Variants in BDKRB2 observed in about 807,000 individuals in gnomAD.
The protein encoded by BDKRB2 is B2 bradykinin receptor.
BDKRB2 carries 6 observed loss-of-function variants against 4.0 expected under a neutral mutation model. The ratio of observed to expected loss-of-function variants is 1.49; its 90% CI spans 0.81 to 2.93. The LOEUF is 2.93. Ranked by LOEUF, BDKRB2 falls within the 30% of genes most tolerant of loss-of-function variation. BDKRB2 has a pLI of 0.00. For synonymous variants in BDKRB2, 225 were observed against 215.3 expected (o/e 1.05, Z -0.40); for missense variants, 478 against 520.1 (o/e 0.92, Z 0.79).
At position 96,241,528 on chromosome 14, in the gene BDKRB2, G is replaced by A; in HGVS notation, c.*24G>A. ...GAGCAAACGCCAGCAGGGCTGCTGT[G>A]AATTTGTGTAAGGATTGAGGGACAG... On this transcript the variant is annotated 3_prime_UTR_variant, in exon 3 of 3. Coordinates refer to ENST00000554311, the MANE Select transcript of BDKRB2 (RefSeq NM_001379692.1). The A allele has an allele frequency of 6.6e-7, 1 of 1,508,350 alleles. No homozygotes were observed. The highest frequency in any genetic ancestry group is 8.8e-7 in the Non-Finnish European group (1 of 1,136,242). The allele number at this position is 1,508,350 out of a possible 1,614,324, so 93.4% of individuals were successfully genotyped here.
Position 96,231,811 on chromosome 14 carries a change from G to A in BDKRB2, c.-39-5258G>A, listed in dbSNP as rs574795068. 2.0e-5 allele frequency among the ~76,000 whole-genome samples: 3 copies of A among 152,366 alleles called. No homozygotes were observed. The South Asian group carries it at 6.2e-4, about 32-fold the overall frequency. ...CAGGGTCCTCCTCTCCAAGTACAGC[G>A]AATATGGTGGGACAGATGCACATGC... On this transcript the variant is annotated intron_variant, in intron 1 of 2. Coordinates refer to ENST00000554311, the MANE Select transcript of BDKRB2 (RefSeq NM_001379692.1).
chr14:96,213,638 G>A (rs1890354170), intron 1 of BDKRB2, among the ~76,000 whole-genome samples: 1 of 152,166 alleles, frequency 6.6e-6, no homozygotes, highest in East Asian at 1.9e-4. Context: ...TCAAGTTGGA[G>A]GACCTAGACC....
intron 1 of BDKRB2, chr14:96,214,617 G>A (rs1890377818): frequency 6.6e-6 from 1 of 152,468 alleles, no homozygotes; most frequent in African/African-American, 2.4e-5. Context: ...CCAGAGTCGG[G>A]GTGGCCTCAG....
intron 1 of BDKRB2, among the ~76,000 whole-genome samples, chr14:96,226,203 C>T (rs988367078): frequency 6.6e-5 from 10 of 152,160 alleles, no homozygotes; most frequent in African/African-American, 2.4e-4. Context: ...ATGCAAAGGC[C>T]ATTGCTCTTA....
intron 1 of BDKRB2, among the ~76,000 whole-genome samples, chr14:96,207,682 C>T (rs769969402): frequency 3.9e-5 from 6 of 151,934 alleles, no homozygotes; most frequent in South Asian, 2.1e-4. Context: ...ATGTCAGTAA[C>T]GGGGGAGGCT....
chr14:96,206,135 G>A (rs766632131), intron 1 of BDKRB2, among the ~76,000 whole-genome samples: 2 of 152,340 alleles, frequency 1.3e-5, no homozygotes, highest in African/African-American at 2.4e-5. Flanking sequence ...TGCGTCCTTC[G>A]GGCCCTGGCA....
At chr14:96,206,134 C>T (rs1021786120) in intron 1 of BDKRB2, among the ~76,000 whole-genome samples, 7 of 152,354 alleles carry the variant, frequency 4.6e-5, no homozygotes, top group African/African-American at 1.4e-4. Flanking sequence ...CTGCGTCCTT[C>T]GGGCCCTGGC....
chr14:96,227,943 C>G (rs1336265240), intron 1 of BDKRB2, among the ~76,000 whole-genome samples: 1 of 152,196 alleles, frequency 6.6e-6, no homozygotes, highest in African/African-American at 2.4e-5. Context: ...TTCCAGCAGC[C>G]CCCGACTCCT....
intron 1 of BDKRB2, among the ~76,000 whole-genome samples, chr14:96,225,481 A>G (rs1025404569): frequency 2.0e-5 from 3 of 151,626 alleles, no homozygotes; most frequent in African/African-American, 7.3e-5. Flanking sequence ...CCTGCCCACC[A>G]TGTGTGTGCC....
intron 1 of BDKRB2, among the ~76,000 whole-genome samples, chr14:96,228,243 C>T (rs757550870): frequency 3.3e-5 from 5 of 152,298 alleles, no homozygotes; most frequent in South Asian, 4.1e-4. Context: ...CCTACAGTAC[C>T]GTCTAGGGTT....
intron 1 of BDKRB2, among the ~76,000 whole-genome samples, chr14:96,225,046 G>C (rs2139782355): frequency 6.6e-6 from 1 of 152,298 alleles, no homozygotes; most frequent in Admixed American, 6.5e-5. Flanking sequence ...AGACAGATTT[G>C]TTCCTCCCAT....
At chr14:96,221,368 G>A (rs564131418) in intron 1 of BDKRB2, among the ~76,000 whole-genome samples, 5 of 152,242 alleles carry the variant, frequency 3.3e-5, no homozygotes, top group Middle Eastern at 3.4e-3. Context: ...CTTCGTTGTC[G>A]TCATCAGCAT....
chr14:96,212,669 G>A (rs531015838), intron 1 of BDKRB2, among the ~76,000 whole-genome samples: 20 of 152,224 alleles, frequency 1.3e-4, no homozygotes, highest in Admixed American at 1.3e-3. Flanking sequence ...TGCAGCCAAA[G>A]TTGGGCACAG....
At position 96,240,625 on chromosome 14, in the gene BDKRB2, G is replaced by T; in HGVS notation, c.297G>T (p.Leu99=). 1 of 1,550,594 alleles carries T rather than the reference G, an allele frequency of 6.4e-7. No homozygotes were observed. The highest frequency in any genetic ancestry group is 1.3e-5 in the South Asian group (1 of 79,108). ...TGGCAGAGATCTACCTGGGGAACCT[G>T]GCCGCAGCAGACCTGATCCTGGCCT... ...CTVAEIYLGN[L]AAADLILACG... The change falls in exon 3 of 3, where the codon CTG becomes CTT. Residue 99 remains leucine, a synonymous_variant. Transcript: ENST00000554311.
rs139933633 is a variant in BDKRB2 at position 96,230,219 on chromosome 14, C to T, written c.-39-6850C>T. 3.3e-3 allele frequency among the ~76,000 whole-genome samples: 507 copies of T among 152,108 alleles called. 4 individuals carry two copies. The highest frequency in any genetic ancestry group is 0.011 in the African/African-American group (468 of 41,528). ...ACAAATGCAATGCCTTTTTTGAAGG[C>T]GTCATTACTACAGCCATGATGGAGC... On this transcript the variant is annotated intron_variant, in intron 1 of 2. Transcript: ENST00000554311.
rs199722917 is a variant in BDKRB2 at position 96,240,841 on chromosome 14, G to A, written c.513G>A (p.Val171=). 1 of 1,565,190 alleles carries A rather than the reference G, an allele frequency of 6.4e-7. No homozygotes were observed. Among genetic ancestry groups the A allele is most frequent in the Non-Finnish European group, 8.6e-7 (1 of 1,157,914 alleles). ...TGTCCATGGGCCGGATGCGCGGCGTGCGCTGGGCCAAGCTCTACAGCTTGG... is the reference window on the plus strand; with the variant it reads ...TGTCCATGGGCCGGATGCGCGGCGTACGCTGGGCCAAGCTCTACAGCTTGG... ...KTMSMGRMRG[V]RWAKLYSLVI... Residue 171 remains valine, a synonymous_variant, in exon 3 of 3, where the codon GTG becomes GTA. Coordinates refer to ENST00000554311, the MANE Select transcript of BDKRB2 (RefSeq NM_001379692.1).
intron 1 of BDKRB2, among the ~76,000 whole-genome samples, chr14:96,210,632 C>T (rs559062981): frequency 9.2e-5 from 14 of 152,250 alleles, no homozygotes; most frequent in East Asian, 1.9e-4. Context: ...GGGAGATATC[C>T]GAGGCCTTTT....
intron 2 of BDKRB2, chr14:96,238,006 T>A (rs902877581): frequency 1.7e-6 from 2 of 1,178,142 alleles, no homozygotes; most frequent in South Asian, 1.6e-5. Flanking sequence ...AGAAATGGGG[T>A]TGAGGGTTGG....
At chr14:96,231,779 A>G (rs1274503081) in intron 1 of BDKRB2, among the ~76,000 whole-genome samples, 2 of 152,198 alleles carry the variant, frequency 1.3e-5, no homozygotes, top group Admixed American at 6.5e-5. Flanking sequence ...TGGGAAGATG[A>G]GCAAGGCAGG....
Sources: gnomAD v4.1 joint callset for allele counts (sites outside exome capture counted in the v4.1 genomes callset) on GRCh38, gnomAD v4.1.1 for gene constraint, MANE v1.5 for transcripts, NCBI Gene and HGNC (gene_info 2026-07-23, HGNC 2026-07-21) for gene names.